The following ARAP2 variants were observed in gnomAD, a reference collection of about 807,000 sequenced individuals.
The protein encoded by ARAP2 is ArfGAP with RhoGAP domain, ankyrin repeat and PH domain 2, also known as arf-GAP with Rho-GAP domain, ANK repeat and PH domain-containing protein 2.
In ARAP2, 148 loss-of-function variants were observed where a neutral mutation model predicts 194.5. The observed-to-expected ratio is 0.76, with a 90% confidence interval of 0.67 to 0.87. The LOEUF (loss-of-function observed/expected upper bound fraction) is 0.87, where lower values mean the gene tolerates loss of function less well. ARAP2 is among the 40% of genes least tolerant of loss of function. The pLI is 0.00. For synonymous variants in ARAP2, 695 were observed against 683.5 expected (o/e 1.02, Z -0.26); for missense variants, 2,128 against 1,989.7 (o/e 1.07, Z -1.32).
chr4:36,150,891 C>A lies in ARAP2; in HGVS notation c.2897+9G>T. Reference sequence around the variant, plus strand: ...CTTTTACCTCCTAATTGTGTAATGACAGACCTACCCAGTATTTAAATAGAA... The same window carrying A: ...CTTTTACCTCCTAATTGTGTAATGAAAGACCTACCCAGTATTTAAATAGAA... On this transcript the variant is annotated intron_variant, in intron 16 of 32. Transcript: ENST00000303965. The A allele has an allele frequency of 2.5e-6, 4 of 1,607,788 alleles. No individual in the cohort carries two copies. The South Asian group carries it at 3.4e-5, about 14-fold the overall frequency.
chr4:36,198,977 C>A (rs1743781770), intron 6 of ARAP2, among the ~76,000 whole-genome samples: 1 of 152,154 alleles, frequency 6.6e-6, no homozygotes, highest in Admixed American at 6.5e-5. Context: ...CCTGTCTGCT[C>A]CAGTGGGAGG....
At chr4:36,135,815 T>TAA (rs745319889) in intron 19 of ARAP2, among the ~76,000 whole-genome samples, 20 of 151,836 alleles carry the variant, frequency 1.3e-4, no homozygotes, top group Non-Finnish European at 2.5e-4. Flanking sequence ...AAATATGATA[T>TAA]AAAATCTTTG....
intron 15 of ARAP2, among the ~76,000 whole-genome samples, chr4:36,154,131 T>C (rs1731671217): frequency 6.6e-6 from 1 of 152,030 alleles, no homozygotes; most frequent in Admixed American, 6.6e-5. Flanking sequence ...TACATTCAAC[T>C]CAAAAAATGT....
At chr4:36,143,838 G>A (rs920868326) in intron 19 of ARAP2, among the ~76,000 whole-genome samples, 1 of 151,796 alleles carries the variant, frequency 6.6e-6, no homozygotes, top group Non-Finnish European at 1.5e-5. Context: ...AACACATGTA[G>A]ACGAAAACTT....
intron 5 of ARAP2, among the ~76,000 whole-genome samples, chr4:36,041,003 T>C (rs1473716785): frequency 6.6e-6 from 1 of 152,132 alleles, no homozygotes; most frequent in Non-Finnish European, 1.5e-5. Context: ...GGTATGTTCC[T>C]TCAATACCTA....
Position 36,158,824 on chromosome 4 carries a change from A to C in ARAP2, c.2658T>G (p.Ser886Arg). 1.2e-6 allele frequency: 2 copies of C among 1,611,108 alleles called. No homozygotes were observed. The highest frequency in any genetic ancestry group is 1.7e-6 in the Non-Finnish European group (2 of 1,179,084). The change falls in exon 15 of 33, where the codon AGT (serine) becomes AGG (arginine). Residue 886 changes from serine (S) to arginine (R), a missense_variant. By Grantham distance (110) the Ser-to-Arg change is moderately radical. Coordinates refer to ENST00000303965, the MANE Select transcript of ARAP2 (RefSeq NM_015230.4). The stretch of plus-strand genomic sequence containing the variant: ...GGAATGTGGACTGGGAAGACTCTTG[A>C]CTTAATACACCCTCGGAATGAATAT... ...QHDIHSEGVL[S>R]QESSQSTFLC... is the part of the protein sequence containing the mutation.
intron 22 of ARAP2, 44 bp downstream of exon 22, chr4:36,124,818 G>A: frequency 8.4e-7 from 1 of 1,183,712 alleles, no homozygotes; most frequent in Non-Finnish European, 1.2e-6. Context: ...GACTTATTGA[G>A]TGCTGTGTTT....
intron 27 of ARAP2, among the ~76,000 whole-genome samples, chr4:36,097,785 C>A (rs1715711073): frequency 1.3e-5 from 2 of 152,036 alleles, no homozygotes; most frequent in African/African-American, 4.8e-5. Flanking sequence ...CATACTGTTA[C>A]CTCTACTGAA....
chr4:36,145,899 A>G (rs1005093949), intron 19 of ARAP2, among the ~76,000 whole-genome samples: 1 of 151,884 alleles, frequency 6.6e-6, no homozygotes, highest in African/African-American at 2.4e-5. Context: ...GTGACTCCCA[A>G]ATTTATATCT....
At chr4:36,114,075 G>T in intron 26 of ARAP2, 95 bp downstream of exon 26, 1 of 910,112 alleles carries the variant, frequency 1.1e-6, no homozygotes, top group Non-Finnish European at 1.7e-6. Context: ...ATCATAACAA[G>T]ATGTTAAGAC....
At chr4:36,160,691 T>C in intron 12 of ARAP2, 50 bp from the exon 13 acceptor site, 3 of 1,319,226 alleles carry the variant, frequency 2.3e-6, no homozygotes, top group Non-Finnish European at 2.0e-6. Context: ...ATAAAATATA[T>C]TTGAATCTGC....
chr4:36,075,252 T>C (rs941763807), intron 31 of ARAP2, among the ~76,000 whole-genome samples: 2 of 152,152 alleles, frequency 1.3e-5, no homozygotes, highest in African/African-American at 4.8e-5. Flanking sequence ...GCAAATGCGG[T>C]TCCCAAATCC....
At chr4:36,224,876 G>GCT (rs1291747216) in intron 2 of ARAP2, among the ~76,000 whole-genome samples, 1 of 152,108 alleles carries the variant, frequency 6.6e-6, no homozygotes, top group Non-Finnish European at 1.5e-5. Context: ...AGATGAAAAT[G>GCT]AAGGATATCC....
In ARAP2 at chr4:36,212,420, G is replaced by A. The variant is rs757318598; in HGVS notation, c.1109C>T (p.Thr370Ile). ...EALKGEAATA[T>I]NSFIIKSSIY... ...CCTTGATTTGATGATAAAAGAGTTT[G>A]TTGCAGTAGCTGCTTCCCCTTTGAG... Residue 370 changes from threonine (T) to isoleucine (I), a missense_variant, in exon 5 of 33, where the codon ACA becomes ATA. Coordinates refer to ENST00000303965, the MANE Select transcript of ARAP2 (RefSeq NM_015230.4). 1 of 1,611,924 alleles carries A rather than the reference G, an allele frequency of 6.2e-7. No homozygotes were observed. The highest frequency in any genetic ancestry group is 1.3e-5 in the African/African-American group (1 of 74,856).
chr4:36,133,109 C>A (rs1371399975), intron 20 of ARAP2, 117 bp downstream of exon 20: 2 of 971,138 alleles, frequency 2.1e-6, no homozygotes, highest in Non-Finnish European at 2.9e-6. Flanking sequence ...TTATTTTTCA[C>A]TAGGATACTT....
chr4:36,197,046 A>G (rs1485384390), intron 6 of ARAP2, among the ~76,000 whole-genome samples: 2 of 151,746 alleles, frequency 1.3e-5, no homozygotes, highest in Admixed American at 6.6e-5. Flanking sequence ...GTGTAATGAT[A>G]TATTTGTTTT....
In ARAP2 at chr4:36,229,543, A is replaced by G; in HGVS notation, c.-57T>C. The G allele has an allele frequency of 7.4e-7, 1 of 1,357,662 alleles. No individual in the cohort carries two copies. The highest frequency in any genetic ancestry group is 1.0e-6 in the Non-Finnish European group (1 of 987,676). The allele number at this position is 1,357,662 out of a possible 1,614,324, so 84.1% of individuals were successfully genotyped here. On this transcript the variant is annotated 5_prime_UTR_variant, in exon 2 of 33. Coordinates refer to ENST00000303965, the MANE Select transcript of ARAP2 (RefSeq NM_015230.4). ...AAAAGTGGCACGATGAGACACACAC[A>G]CAAGAAGATGTACTTCTCTACTGGC...
At chr4:36,193,531 T>C (rs780010110) in intron 7 of ARAP2, 47 bp downstream of exon 7, 2 of 1,291,386 alleles carry the variant, frequency 1.5e-6, no homozygotes, top group Admixed American at 2.2e-5. Flanking sequence ...ATTTTACTCT[T>C]CGTATGCATA....
intron 7 of ARAP2, among the ~76,000 whole-genome samples, chr4:36,188,235 A>C (rs1741011460): frequency 6.6e-6 from 1 of 152,186 alleles, no homozygotes; most frequent in African/African-American, 2.4e-5. Flanking sequence ...GACCCTCTCA[A>C]ATCATGTCAT....
Sources: gnomAD v4.1 joint callset for allele counts (sites outside exome capture counted in the v4.1 genomes callset) on GRCh38, gnomAD v4.1.1 for gene constraint, MANE v1.5 for transcripts, NCBI Gene and HGNC (gene_info 2026-07-23, HGNC 2026-07-21) for gene names.